KCNK3: variants seen among roughly 807,000 people sequenced by gnomAD.
KCNK3 encodes the protein potassium channel subfamily K member 3.
A neutral mutation model predicts 27.3 loss-of-function variants in KCNK3; 9 were observed. That is an observed-to-expected ratio of 0.33 (90% CI 0.20 to 0.57). The LOEUF is 0.57. Ranked by LOEUF, KCNK3 falls within the 20% of genes least tolerant of loss-of-function variation. The pLI is 0.87. For synonymous variants in KCNK3, 278 were observed against 273.8 expected, an observed-to-expected ratio of 1.02 and a Z score of -0.15; for missense variants, 391 against 577.7, an observed-to-expected ratio of 0.68 and a Z score of 3.31.
At position 26,726,313 on chromosome 2, in the gene KCNK3, G is replaced by A. The variant is rs906723492; in HGVS notation, c.284-1354G>A. Among the ~76,000 whole-genome samples, 10 of 152,250 alleles carry A rather than the reference G, an allele frequency of 6.6e-5. No homozygotes were observed. The East Asian group carries it at 1.9e-3, about 29-fold the overall frequency. ...CCCCAAAGCTAGTGTTTAGCTCTAT[G>A]TAGTTGGGGATCCTAGAGGACAGGG... On this transcript the variant is annotated intron_variant, in intron 1 of 1. Coordinates refer to ENST00000302909, the MANE Select transcript of KCNK3 (RefSeq NM_002246.3).
Position 26,721,630 on chromosome 2 carries a change from G to T in KCNK3, c.284-6037G>T, listed in dbSNP as rs920426147. Among the ~76,000 whole-genome samples, 1 of 152,138 alleles carries T rather than the reference G, an allele frequency of 6.6e-6. No homozygotes were observed. The highest frequency in any genetic ancestry group is 1.5e-5 in the Non-Finnish European group (1 of 68,012). ...CCCAGCTGCCCTCTGCCATCCAGCA[G>T]GGGAGCCCAGCCTTCCTCTGAGGGC... On this transcript the variant is annotated intron_variant, in intron 1 of 1. Transcript: ENST00000302909. This position sits in a 1 kb window ranked among gnomAD's most constrained non-coding sequence, Gnocchi z 4.3.
At chr2:26,704,494 A>G (rs903467323) in intron 1 of KCNK3, among the ~76,000 whole-genome samples, 1 of 152,110 alleles carries the variant, frequency 6.6e-6, no homozygotes, top group Non-Finnish European at 1.5e-5. Flanking sequence ...TCCTAACCAC[A>G]ACTCTGATTC....
At chr2:26,707,293 G>A (rs1429103061) in intron 1 of KCNK3, among the ~76,000 whole-genome samples, 1 of 152,206 alleles carries the variant, frequency 6.6e-6, no homozygotes, top group Admixed American at 6.5e-5. Context: ...GCGGGAGGGA[G>A]CACTGGTGCT....
Position 26,706,682 on chromosome 2 carries a change from GCCCT to G in KCNK3, c.283+13525_283+13528del, listed in dbSNP as rs1486828801. Among the ~76,000 whole-genome samples the G allele has an allele frequency of 2.0e-5, 3 of 152,258 alleles. No homozygotes were observed. In the East Asian group the frequency reaches 5.8e-4, roughly 29 times the overall value. On this transcript the variant is annotated intron_variant, in intron 1 of 1. Coordinates refer to ENST00000302909, the MANE Select transcript of KCNK3 (RefSeq NM_002246.3). ...TCTTGCATGCCGTGCCCAGCTAAGT[GCCCT>G]GGAGTCCCGAGCACTCATCTGCCTG...
At chr2:26,716,954 T>G (rs1001819580) in intron 1 of KCNK3, among the ~76,000 whole-genome samples, 15 of 152,288 alleles carry the variant, frequency 9.8e-5, no homozygotes, top group African/African-American at 3.6e-4. Context: ...CAATAAAGTT[T>G]TATTGGAACA....
chr2:26,705,698 T>C (rs1032050906), intron 1 of KCNK3, among the ~76,000 whole-genome samples: 2 of 152,158 alleles, frequency 1.3e-5, no homozygotes, highest in Non-Finnish European at 2.9e-5. Context: ...CAGGGGCAGT[T>C]GTCACAGAAT....
chr2:26,697,831 C>A (rs922445150), intron 1 of KCNK3, among the ~76,000 whole-genome samples: 1 of 152,146 alleles, frequency 6.6e-6, no homozygotes, highest in African/African-American at 2.4e-5. Flanking sequence ...CGTCACCCAC[C>A]ACATGGCCTG....
chr2:26,700,227 C>T (rs1275978), intron 1 of KCNK3, among the ~76,000 whole-genome samples: 73,785 of 152,178 alleles, frequency 0.48, 20,504 homozygotes, highest in Admixed American at 0.65. Flanking sequence ...ACCCCTCCGC[C>T]AGCCTCTGGT....
At chr2:26,713,641 G>T (rs1053555228) in intron 1 of KCNK3, among the ~76,000 whole-genome samples, 2 of 151,980 alleles carry the variant, frequency 1.3e-5, no homozygotes, top group Admixed American at 6.6e-5. Flanking sequence ...AATTTGCTGG[G>T]TGTGTAATCC....
intron 1 of KCNK3, among the ~76,000 whole-genome samples, chr2:26,706,292 T>TC (rs147184554): frequency 7.9e-5 from 12 of 151,700 alleles, no homozygotes; most frequent in African/African-American, 2.2e-4. Context: ...TCGTTTCCCC[T>TC]CCCCCCCAGA....
At chr2:26,717,801 G>A (rs1160331820) in intron 1 of KCNK3, among the ~76,000 whole-genome samples, 6 of 152,074 alleles carry the variant, frequency 3.9e-5, no homozygotes, top group African/African-American at 7.2e-5. Context: ...TAGCCCTCAC[G>A]CTCTGCTTAT....
chr2:26,717,848 T>C (rs1663259698), intron 1 of KCNK3, among the ~76,000 whole-genome samples: 1 of 152,324 alleles, frequency 6.6e-6, no homozygotes, highest in South Asian at 2.1e-4. Context: ...CTCAGGCTCA[T>C]CTCTGATGCC....
intron 1 of KCNK3, among the ~76,000 whole-genome samples, chr2:26,703,624 A>T (rs1187883757): frequency 6.6e-6 from 1 of 152,170 alleles, no homozygotes. Flanking sequence ...AGATCATTTG[A>T]GATGTCCCGA....
chr2:26,702,719 A>G (rs1371409626), intron 1 of KCNK3, among the ~76,000 whole-genome samples: 3 of 152,160 alleles, frequency 2.0e-5, no homozygotes, highest in Non-Finnish European at 4.4e-5. Context: ...CAGAAGCAGA[A>G]CTGGTAGGAG....
chr2:26,716,184 A>G (rs1663228976), intron 1 of KCNK3, among the ~76,000 whole-genome samples: 1 of 152,164 alleles, frequency 6.6e-6, no homozygotes, highest in Non-Finnish European at 1.5e-5. Context: ...TTGAATTTCA[A>G]GTTTGATTCT....
rs1342137395 is a variant in KCNK3 at position 26,721,113 on chromosome 2, C to T, written c.284-6554C>T. 6.6e-6 allele frequency among the ~76,000 whole-genome samples: 1 copy of T among 152,148 alleles called. No homozygotes were observed. Among genetic ancestry groups the T allele is most frequent in the African/African-American group, 2.4e-5 (1 of 41,424 alleles). On this transcript the variant is annotated intron_variant, in intron 1 of 1. Coordinates refer to ENST00000302909, the MANE Select transcript of KCNK3 (RefSeq NM_002246.3). This position sits in a 1 kb window ranked among gnomAD's most constrained non-coding sequence, Gnocchi z 4.3. The stretch of plus-strand genomic sequence containing the variant: ...GTGGTTTCTCATCACCATCCCAGAC[C>T]TCAGAGTCCTTCAGAACTGGAGCCT...
At chr2:26,709,672 G>C (rs1281476521) in intron 1 of KCNK3, among the ~76,000 whole-genome samples, 1 of 152,176 alleles carries the variant, frequency 6.6e-6, no homozygotes, top group African/African-American at 2.4e-5. Context: ...GGAGAGGCAG[G>C]GAAAGAGCAA....
At chr2:26,710,469 C>A (rs1312727167) in intron 1 of KCNK3, among the ~76,000 whole-genome samples, 1 of 152,182 alleles carries the variant, frequency 6.6e-6, no homozygotes, top group African/African-American at 2.4e-5. Context: ...TGCCTGCCAC[C>A]ACTCACACAC....
At chr2:26,705,556 G>A (rs184198396) in intron 1 of KCNK3, among the ~76,000 whole-genome samples, 2 of 152,054 alleles carry the variant, frequency 1.3e-5, no homozygotes, top group Non-Finnish European at 2.9e-5. Context: ...GCTTCTCCCC[G>A]ACCCACCCCA....
Sources: allele counts gnomAD v4.1 joint callset (sites outside exome capture counted in the v4.1 genomes callset), GRCh38; gene constraint gnomAD v4.1.1; non-coding constraint Gnocchi (gnomAD v3.1); transcripts MANE v1.5; gene names NCBI Gene and HGNC (gene_info 2026-07-23, HGNC 2026-07-21).